Variants in ERCC6 observed in about 807,000 individuals in gnomAD.
The protein encoded by ERCC6 is ERCC excision repair 6, chromatin remodeling factor.
In ERCC6, 116 loss-of-function variants were observed where a neutral mutation model predicts 158.7. That is an observed-to-expected ratio of 0.73 (90% CI 0.63 to 0.85). The LOEUF (loss-of-function observed/expected upper bound fraction) is 0.85, where lower values mean the gene tolerates loss of function less well. Among genes scored for constraint, ERCC6 ranks in the 40% least tolerant of loss-of-function variants. ERCC6 has a pLI of 0.00. For missense variants in ERCC6, 1,698 were observed against 1,799.4 expected, an observed-to-expected ratio of 0.94 and a Z score of 1.02; for synonymous variants, 678 against 659.3, an observed-to-expected ratio of 1.03 and a Z score of -0.43.
chr10:49,474,940 A>C (rs1431734342), intron 12 of ERCC6, among the ~76,000 whole-genome samples: 1 of 152,232 alleles, frequency 6.6e-6, no homozygotes, highest in Non-Finnish European at 1.5e-5. Flanking sequence ...CTGGTCTAAA[A>C]GCTTGAGCAG....
chr10:49,530,238 T>A (rs529475007), intron 3 of ERCC6, among the ~76,000 whole-genome samples: 13 of 152,332 alleles, frequency 8.5e-5, no homozygotes, highest in Admixed American at 5.9e-4. Flanking sequence ...GGAACTTTTC[T>A]CAAATACACA....
At chr10:49,444,061 G>C in the ERCC6 span, among the ~76,000 whole-genome samples, 1 of 152,218 alleles carries the variant, frequency 6.6e-6, no homozygotes, top group Non-Finnish European at 1.5e-5. Context: ...TGGGAGTGCT[G>C]GCAAGGAGAG....
intron 18 of ERCC6, among the ~76,000 whole-genome samples, chr10:49,463,723 G>T (rs564594987): frequency 1.3e-5 from 2 of 152,260 alleles, no homozygotes; most frequent in Admixed American, 6.5e-5. Flanking sequence ...CTGTTCTCAT[G>T]AGTGAATGAG....
At chr10:49,513,334 C>T (rs1435066594) in intron 5 of ERCC6, among the ~76,000 whole-genome samples, 3 of 152,150 alleles carry the variant, frequency 2.0e-5, no homozygotes. Flanking sequence ...CATATACACA[C>T]ATACATACAT....
At chr10:49,515,108 T>A (rs1387651722) in intron 5 of ERCC6, 1 of 1,041,644 alleles carries the variant, frequency 9.6e-7, no homozygotes, top group Admixed American at 3.9e-5. Flanking sequence ...TAAGAAAACA[T>A]CTTTAACCCA....
the ERCC6 span, among the ~76,000 whole-genome samples, chr10:49,447,445 T>C: frequency 6.6e-6 from 1 of 152,092 alleles, no homozygotes; most frequent in East Asian, 1.9e-4. Context: ...CCCAGCACTT[T>C]GGGAGGCCGA....
chr10:49,450,385 G>A (rs1047255525), downstream of ERCC6, among the ~76,000 whole-genome samples: 2 of 152,186 alleles, frequency 1.3e-5, no homozygotes, highest in Admixed American at 1.3e-4. Context: ...CCTTGTGCCA[G>A]TAACACACTT....
At chr10:49,464,866 A>G (rs756444847) in intron 18 of ERCC6, among the ~76,000 whole-genome samples, 3 of 152,272 alleles carry the variant, frequency 2.0e-5, no homozygotes, top group Non-Finnish European at 4.4e-5. Flanking sequence ...CTAGATGCCC[A>G]GGCAGAAGTT....
intron 18 of ERCC6, among the ~76,000 whole-genome samples, chr10:49,465,680 G>A (rs1850663065): frequency 6.6e-6 from 1 of 152,174 alleles, no homozygotes; most frequent in African/African-American, 2.4e-5. Context: ...TAGTGAATGA[G>A]TCTTATATGA....
chr10:49,446,226 G>A, the ERCC6 span, among the ~76,000 whole-genome samples: 27 of 118,800 alleles, frequency 2.3e-4, no homozygotes, highest in Non-Finnish European at 3.7e-4. Flanking sequence ...ACACAAAAAC[G>A]TCACACACAC....
intron 5 of ERCC6, among the ~76,000 whole-genome samples, chr10:49,510,087 G>A (rs1851508247): frequency 6.6e-6 from 1 of 152,110 alleles, no homozygotes; most frequent in Non-Finnish European, 1.5e-5. Flanking sequence ...AGGTAGGAAT[G>A]AGAATCTGGC....
At chr10:49,517,107 C>T (rs773039517) in intron 5 of ERCC6, 8 of 1,590,854 alleles carry the variant, frequency 5.0e-6, no homozygotes, top group East Asian at 2.3e-5. Context: ...ACTTAGTGTT[C>T]GAGGCATCTT....
chr10:49,464,937 T>C (rs986786822), intron 18 of ERCC6, among the ~76,000 whole-genome samples: 1 of 152,220 alleles, frequency 6.6e-6, no homozygotes, highest in African/African-American at 2.4e-5. Context: ...AGGAAAATGT[T>C]GGGTTGGAGT....
the ERCC6 span, among the ~76,000 whole-genome samples, chr10:49,446,259 C>CACACA: frequency 1.1e-3 from 126 of 114,298 alleles, no homozygotes; most frequent in East Asian, 2.5e-3. Context: ...ACACACACAC[C>CACACA]CCCCAATTTA....
At chr10:49,472,133 T>G (rs1460097570) in intron 16 of ERCC6, among the ~76,000 whole-genome samples, 1 of 152,218 alleles carries the variant, frequency 6.6e-6, no homozygotes, top group Non-Finnish European at 1.5e-5. Flanking sequence ...TACATGTATG[T>G]GATTCTTGAG....
chr10:49,538,482 G>A (rs142625145), intron 1 of ERCC6, among the ~76,000 whole-genome samples: 4 of 152,334 alleles, frequency 2.6e-5, no homozygotes, highest in Non-Finnish European at 5.9e-5. Context: ...AGGGCTGCCT[G>A]TCACAGGATG....
At chr10:49,515,712 T>C in intron 5 of ERCC6, 1 of 1,614,166 alleles carries the variant, frequency 6.2e-7, no homozygotes, top group East Asian at 2.2e-5. Flanking sequence ...ATCAATGTTT[T>C]CATCAGCTCT....
chr10:49,505,182 C>G (rs962107410), intron 6 of ERCC6: 1 of 152,082 alleles, frequency 6.6e-6, no homozygotes, highest in Non-Finnish European at 1.5e-5. Flanking sequence ...CCAGGAGTGA[C>G]GAGACTGAAA....
At chr10:49,460,230 G>A (rs553473684) in intron 20 of ERCC6, 143 bp downstream of exon 20, 19 of 703,590 alleles carry the variant, frequency 2.7e-5, no homozygotes, top group African/African-American at 1.0e-4. Context: ...AATGTGCATC[G>A]TAAATCAGAG....
Sources: gnomAD v4.1 joint callset for allele counts (sites outside exome capture counted in the v4.1 genomes callset) on GRCh38, gnomAD v4.1.1 for gene constraint, MANE v1.5 for transcripts, NCBI Gene and HGNC (gene_info 2026-07-23, HGNC 2026-07-21) for gene names.